The following NAA11 variants were observed in gnomAD, a reference collection of about 807,000 sequenced individuals.
NAA11 encodes N-alpha-acetyltransferase 11.
In NAA11, 15 loss-of-function variants were observed where a neutral mutation model predicts 16.1. The ratio of observed to expected loss-of-function variants is 0.93; its 90% confidence interval spans 0.62 to 1.44. The LOEUF (loss-of-function observed/expected upper bound fraction) is 1.44, where lower values mean the gene tolerates loss of function less well. Among genes scored for constraint, NAA11 ranks in the 40% most tolerant of loss-of-function variants. The pLI is 0.00. For missense variants in NAA11, 298 were observed against 291.3 expected, an observed-to-expected ratio of 1.02 and a Z score of -0.17; for synonymous variants, 122 against 112.4, an observed-to-expected ratio of 1.09 and a Z score of -0.54.
At chr4:79,181,430 C>T in the NAA11 span, among the ~76,000 whole-genome samples, 22 of 152,034 alleles carry the variant, frequency 1.4e-4, no homozygotes, top group African/African-American at 4.8e-4. Context: ...GTGCTCTTGC[C>T]GCTAAGGTTT....
chr4:79,266,492 A>G (rs917464486), intron 2 of NAA11, among the ~76,000 whole-genome samples: 1 of 152,202 alleles, frequency 6.6e-6, no homozygotes, highest in Non-Finnish European at 1.5e-5. Context: ...GCCCCTCAGC[A>G]TGATGGAATT....
intron 2 of NAA11, among the ~76,000 whole-genome samples, chr4:79,236,644 GATAAGTCAAAAATCT>G (rs1425206391): frequency 6.6e-6 from 1 of 151,992 alleles, no homozygotes; most frequent in Non-Finnish European, 1.5e-5. Context: ...ATACATTTTT[GATAAGTCAAAAATCT>G]ATTAAAACTG....
chr4:79,221,302 C>T (rs1254902334), downstream of NAA11, among the ~76,000 whole-genome samples: 2 of 151,386 alleles, frequency 1.3e-5, no homozygotes, highest in East Asian at 3.9e-4. Flanking sequence ...TCTAGATATA[C>T]AATCATGTCA....
At chr4:79,288,019 T>G (rs1722987261) in intron 2 of NAA11, among the ~76,000 whole-genome samples, 1 of 152,184 alleles carries the variant, frequency 6.6e-6, no homozygotes, top group African/African-American at 2.4e-5. Flanking sequence ...TCTGTTATTT[T>G]AAACACAAGA....
At chr4:79,319,919 T>C (rs1016258251) in intron 1 of NAA11, among the ~76,000 whole-genome samples, 1 of 152,240 alleles carries the variant, frequency 6.6e-6, no homozygotes, top group Non-Finnish European at 1.5e-5. Flanking sequence ...ACTGCTCATG[T>C]GAACATTTAA....
chr4:79,182,900 T>C, the NAA11 span, among the ~76,000 whole-genome samples: 3 of 152,188 alleles, frequency 2.0e-5, no homozygotes, highest in Non-Finnish European at 4.4e-5. Context: ...CAATTATTTA[T>C]TGAGCTTCTA....
At chr4:79,258,257 T>G (rs1477165285) in intron 2 of NAA11, among the ~76,000 whole-genome samples, 1 of 152,218 alleles carries the variant, frequency 6.6e-6, no homozygotes, top group Non-Finnish European at 1.5e-5. Flanking sequence ...GGTCTCTTGC[T>G]CCACAGAGCA....
chr4:79,236,146 G>A (rs1721564751), intron 2 of NAA11, among the ~76,000 whole-genome samples: 1 of 151,890 alleles, frequency 6.6e-6, no homozygotes, highest in South Asian at 2.1e-4. Flanking sequence ...ATATTTCTTT[G>A]GTTAACATTT....
intron 2 of NAA11, among the ~76,000 whole-genome samples, chr4:79,265,855 A>C (rs1722333335): frequency 6.6e-6 from 1 of 151,928 alleles, no homozygotes; most frequent in East Asian, 1.9e-4. Context: ...GGCCCAAGTA[A>C]TCCTCCTGCC....
At chr4:79,162,351 T>G in the NAA11 span, among the ~76,000 whole-genome samples, 1 of 152,094 alleles carries the variant, frequency 6.6e-6, no homozygotes, top group Non-Finnish European at 1.5e-5. Flanking sequence ...TTCTGCCTAA[T>G]AAAAAACTGG....
At chr4:79,315,708 T>G (rs978203074), downstream of NAA11, among the ~76,000 whole-genome samples, 3 of 151,972 alleles carry the variant, frequency 2.0e-5, no homozygotes, top group African/African-American at 7.2e-5. Context: ...ACTTTTCCTG[T>G]GTAAAAAGAA....
chr4:79,220,748 C>T (rs1721170892), downstream of NAA11, among the ~76,000 whole-genome samples: 1 of 152,092 alleles, frequency 6.6e-6, no homozygotes, highest in Non-Finnish European at 1.5e-5. Flanking sequence ...TGTTTTGGTA[C>T]CAGTACCATG....
At chr4:79,242,173 TGAATGCATTCCTAGAGA>T (rs1721712078) in intron 2 of NAA11, among the ~76,000 whole-genome samples, 1 of 152,206 alleles carries the variant, frequency 6.6e-6, no homozygotes, top group Non-Finnish European at 1.5e-5. Flanking sequence ...CATACCGCCA[TGAATGCATTCCTAGAGA>T]GTCTTGTAAG....
At chr4:79,320,450 A>T (rs1410747541) in intron 1 of NAA11, among the ~76,000 whole-genome samples, 1 of 152,140 alleles carries the variant, frequency 6.6e-6, no homozygotes, top group African/African-American at 2.4e-5. Flanking sequence ...GACTCATTTA[A>T]TCTTCTCAAT....
chr4:79,221,471 T>C (rs954212324), downstream of NAA11, among the ~76,000 whole-genome samples: 3 of 126,976 alleles, frequency 2.4e-5, no homozygotes, highest in African/African-American at 8.7e-5. Context: ...AAGGGAATGC[T>C]TCCAGTTTTT....
chr4:79,281,098 G>C (rs367677208), intron 2 of NAA11, among the ~76,000 whole-genome samples: 5 of 152,098 alleles, frequency 3.3e-5, no homozygotes, highest in South Asian at 4.1e-4. Context: ...CCTCACAGCT[G>C]TCTACAGCTG....
chr4:79,171,303 A>G, the NAA11 span, among the ~76,000 whole-genome samples: 1 of 152,188 alleles, frequency 6.6e-6, no homozygotes, highest in Non-Finnish European at 1.5e-5. Context: ...TCTTGATAAA[A>G]TGATGAGTTT....
chr4:79,191,079 G>A, the NAA11 span, among the ~76,000 whole-genome samples: 2 of 152,108 alleles, frequency 1.3e-5, no homozygotes, highest in Non-Finnish European at 2.9e-5. Context: ...TCATCGATGG[G>A]CATTTAAGTT....
chr4:79,200,614 A>T, the NAA11 span, among the ~76,000 whole-genome samples: 770 of 151,936 alleles, frequency 5.1e-3, 16 homozygotes, highest in East Asian at 0.045. Flanking sequence ...TACAGAAGCC[A>T]TAGGAGAGAT....
Sources: allele counts gnomAD v4.1 joint callset (sites outside exome capture counted in the v4.1 genomes callset), GRCh38; gene constraint gnomAD v4.1.1; transcripts MANE v1.5; gene names NCBI Gene and HGNC (gene_info 2026-07-23, HGNC 2026-07-21).